CRIM1: variants seen among roughly 807,000 people sequenced by gnomAD.
CRIM1 encodes the protein cysteine rich transmembrane BMP regulator 1.
CRIM1 carries 32 observed loss-of-function variants against 116.4 expected under a neutral mutation model. That is an observed-to-expected ratio of 0.27 (90% confidence interval 0.21 to 0.37). The LOEUF (loss-of-function observed/expected upper bound fraction) is 0.37. Among genes scored for constraint, CRIM1 ranks in the 10% least tolerant of loss-of-function variants. The probability of loss-of-function intolerance (pLI) is 1.00; values close to 1 mark genes in which losing one functional copy is unlikely to be tolerated. For synonymous variants in CRIM1, 590 were observed against 509.2 expected (o/e 1.16, Z -2.13); for missense variants, 1,331 against 1,354.8 (o/e 0.98, Z 0.28).
intron 8 of CRIM1, among the ~76,000 whole-genome samples, chr2:36,499,776 T>C (rs1213610221): frequency 6.6e-6 from 1 of 152,198 alleles, no homozygotes; most frequent in Non-Finnish European, 1.5e-5. Context: ...ATTCCAATCA[T>C]GTATCCAGGC....
In CRIM1 at chr2:36,537,489, C is replaced by G. The variant is rs149188754; in HGVS notation, c.2566C>G (p.Pro856Ala). The G allele has an allele frequency of 1.9e-6, 3 of 1,614,058 alleles. No homozygotes were observed. The change falls in exon 14 of 17, where the codon CCT becomes GCT. Residue 856 changes from proline to alanine, a missense_variant. By Grantham distance (27) the Pro-to-Ala change is conservative. Coordinates refer to ENST00000280527, the MANE Select transcript of CRIM1 (RefSeq NM_016441.3). ...CCTCTGCTCGACCGTCAGCTGCCCC[C>G]CTCTGCCCTGTGTTGAGCCCATCAA... ...QTLCSTVSCP[P>A]LPCVEPINVE... is the part of the protein sequence containing the mutation.
At position 36,385,611 on chromosome 2, in the gene CRIM1, G is replaced by A. The variant is rs563250975; in HGVS notation, c.332-11003G>A. On this transcript the variant is annotated intron_variant, in intron 1 of 16. Transcript: ENST00000280527. ...GACCATCAGCAGGAGTCTCCAGGCC[G>A]TATTACTGGAGACGGACCTCACCAG... Among the ~76,000 whole-genome samples, 9 of 152,242 alleles carry A rather than the reference G, an allele frequency of 5.9e-5. No individual in the cohort carries two copies. The East Asian group carries it at 9.7e-4, about 16-fold the overall frequency.
chr2:36,542,640 A>T (rs1366337279), intron 14 of CRIM1, among the ~76,000 whole-genome samples: 3 of 152,166 alleles, frequency 2.0e-5, no homozygotes, highest in African/African-American at 7.2e-5. Context: ...GGCCTCAGAA[A>T]CCAGTGGCAG....
At chr2:36,544,086 AG>A (rs1355789679) in intron 14 of CRIM1, among the ~76,000 whole-genome samples, 1 of 152,238 alleles carries the variant, frequency 6.6e-6, no homozygotes, top group African/African-American at 2.4e-5. Context: ...AGTCCCCTTC[AG>A]TTTCCATAAA....
At chr2:36,393,046 G>T (rs11677748) in intron 1 of CRIM1, among the ~76,000 whole-genome samples, 1 of 152,228 alleles carries the variant, frequency 6.6e-6, no homozygotes, top group African/African-American at 2.4e-5. Flanking sequence ...CCTTTTAGCT[G>T]TGATTCCAGA....
chr2:36,421,291 A>G (rs893412059), intron 2 of CRIM1, among the ~76,000 whole-genome samples: 1 of 152,224 alleles, frequency 6.6e-6, no homozygotes, highest in Non-Finnish European at 1.5e-5. Context: ...GAGAATTTAA[A>G]TGATGTCATG....
intron 2 of CRIM1, among the ~76,000 whole-genome samples, chr2:36,416,703 C>T (rs781652359): frequency 1.3e-5 from 2 of 152,170 alleles, no homozygotes; most frequent in Non-Finnish European, 2.9e-5. Flanking sequence ...GAAGGAAAGT[C>T]ATATTTGCTG....
intron 4 of CRIM1, among the ~76,000 whole-genome samples, chr2:36,443,260 G>A (rs1474258155): frequency 6.6e-6 from 1 of 152,158 alleles, no homozygotes; most frequent in Non-Finnish European, 1.5e-5. Flanking sequence ...CTGCGGGGAA[G>A]AGCCACTGTC....
intron 2 of CRIM1, among the ~76,000 whole-genome samples, chr2:36,420,902 G>A (rs1450199163): frequency 6.6e-6 from 1 of 152,156 alleles, no homozygotes; most frequent in African/African-American, 2.4e-5. Context: ...CAGCCATTTA[G>A]GAAGCTAGTA....
At chr2:36,446,966 A>G (rs868195753) in intron 4 of CRIM1, among the ~76,000 whole-genome samples, 4 of 152,264 alleles carry the variant, frequency 2.6e-5, no homozygotes, top group Non-Finnish European at 5.9e-5. Context: ...AGACAGATAC[A>G]TTAATGCAAA....
At chr2:36,477,153 C>CATCCAAAAGTAAAGG in intron 6 of CRIM1, 82 bp downstream of exon 6, 1 of 1,120,952 alleles carries the variant, frequency 8.9e-7, no homozygotes, top group South Asian at 1.7e-5. Flanking sequence ...AATTCAGTCT[C>CATCCAAAAGTAAAGG]ATCCAAAAGT....
chr2:36,486,725 TA>T (rs1679845746), intron 7 of CRIM1, among the ~76,000 whole-genome samples: 2 of 152,306 alleles, frequency 1.3e-5, no homozygotes, highest in South Asian at 2.1e-4. Context: ...TAATTGCATC[TA>T]ATAGATCAGA....
intron 2 of CRIM1, among the ~76,000 whole-genome samples, chr2:36,422,989 A>G (rs1181908248): frequency 6.6e-6 from 1 of 152,224 alleles, no homozygotes; most frequent in Non-Finnish European, 1.5e-5. Flanking sequence ...TGAGCTTTTA[A>G]GCATATAAGT....
chr2:36,437,316 A>G (rs1466891103), intron 2 of CRIM1, among the ~76,000 whole-genome samples: 1 of 152,142 alleles, frequency 6.6e-6, no homozygotes, highest in African/African-American at 2.4e-5. Flanking sequence ...CAGAGCTTGC[A>G]GTGAACCAAG....
chr2:36,371,801 C>T (rs576737632), intron 1 of CRIM1, among the ~76,000 whole-genome samples: 73 of 152,298 alleles, frequency 4.8e-4, no homozygotes, highest in African/African-American at 1.7e-3. Context: ...TTGTAACCTT[C>T]TCTTGACTGC....
intron 9 of CRIM1, 55 bp downstream of exon 9, chr2:36,510,194 T>G (rs1664557136): frequency 6.6e-7 from 1 of 1,518,986 alleles, no homozygotes; most frequent in African/African-American, 1.4e-5. Context: ...GGTGAAATGT[T>G]TCTACACATT....
rs150137617 is a variant in CRIM1, at chr2:36,550,898, TTTA to T, written c.*2206_*2208del. ...GGATATAGGACAAGGTGTAAATTTT[TTTA>T]TTATTATTTTAAAGATATGATTTAT... On this transcript the variant is annotated 3_prime_UTR_variant, in exon 17 of 17. Coordinates refer to ENST00000280527, the MANE Select transcript of CRIM1 (RefSeq NM_016441.3). The T allele has an allele frequency of 0.015, 2,300 of 152,676 alleles. 22 individuals carry two copies. Among genetic ancestry groups the T allele is most frequent in the Middle Eastern group, 0.041 (12 of 294 alleles). The allele number at this position is 152,676 out of a possible 1,614,324, so 9.5% of individuals were successfully genotyped here. A position where few individuals can be genotyped will look rare whatever the true frequency, so the allele number is the denominator to read the frequency against.
chr2:36,404,676 C>T (rs1020214698), intron 2 of CRIM1, among the ~76,000 whole-genome samples: 2 of 152,170 alleles, frequency 1.3e-5, no homozygotes, highest in Non-Finnish European at 2.9e-5. Context: ...TTTCAATATA[C>T]TATGGGAGCT....
chr2:36,425,155 G>A (rs1674357486), intron 2 of CRIM1, among the ~76,000 whole-genome samples: 1 of 152,092 alleles, frequency 6.6e-6, no homozygotes, highest in East Asian at 1.9e-4. Context: ...TGAGGGACTG[G>A]GTATCATACT....
Sources: allele counts gnomAD v4.1 joint callset (sites outside exome capture counted in the v4.1 genomes callset), GRCh38; gene constraint gnomAD v4.1.1; transcripts MANE v1.5; gene names NCBI Gene and HGNC (gene_info 2026-07-23, HGNC 2026-07-21).